The following SH3GL2 variants were observed in gnomAD, a reference collection of about 807,000 sequenced individuals.
SH3GL2 encodes the protein SH3 domain containing GRB2 like 2, endophilin A1, also known as endophilin-A1.
Under a neutral mutation model 46.0 loss-of-function variants are expected in SH3GL2, and 24 were observed. That is an observed-to-expected ratio of 0.52 (90% confidence interval 0.38 to 0.73). The LOEUF (loss-of-function observed/expected upper bound fraction) is 0.73, where lower values mean the gene tolerates loss of function less well. Among genes scored for constraint, SH3GL2 ranks in the 30% least tolerant of loss-of-function variants. The pLI, the probability that SH3GL2 is intolerant of heterozygous loss-of-function variation, is 0.00. For synonymous variants in SH3GL2, 196 were observed against 147.1 expected (o/e 1.33, Z -2.40); for missense variants, 413 against 424.2 (o/e 0.97, Z 0.23).
chr9:17,769,133 A>T (rs921455794), intron 3 of SH3GL2, among the ~76,000 whole-genome samples: 2 of 152,162 alleles, frequency 1.3e-5, no homozygotes, highest in Non-Finnish European at 2.9e-5. Context: ...TCTTGTTTAA[A>T]ACATCAGCCC....
chr9:17,660,172 C>T (rs1460463467), intron 1 of SH3GL2, among the ~76,000 whole-genome samples: 1 of 152,184 alleles, frequency 6.6e-6, no homozygotes, highest in Non-Finnish European at 1.5e-5. Context: ...TTGCCATTCA[C>T]GTGTGCTTTC....
chr9:17,679,367 C>A (rs955914499), intron 1 of SH3GL2, among the ~76,000 whole-genome samples: 1 of 152,074 alleles, frequency 6.6e-6, no homozygotes, highest in African/African-American at 2.4e-5. Context: ...AAGTTGGATT[C>A]CTAGGTATTT....
chr9:17,650,138 TAC>T (rs1225302745), intron 1 of SH3GL2, among the ~76,000 whole-genome samples: 4 of 152,224 alleles, frequency 2.6e-5, no homozygotes, highest in Non-Finnish European at 5.9e-5. Context: ...TGATGTTATC[TAC>T]ATTCAGATTC....
chr9:17,601,466 C>A (rs1370995527), intron 1 of SH3GL2, among the ~76,000 whole-genome samples: 1 of 152,074 alleles, frequency 6.6e-6, no homozygotes, highest in African/African-American at 2.4e-5. Context: ...TTTGTGCGTG[C>A]CTCTGCAGTT....
intron 1 of SH3GL2, among the ~76,000 whole-genome samples, chr9:17,726,767 T>C (rs1007710912): frequency 2.6e-5 from 4 of 152,178 alleles, no homozygotes; most frequent in East Asian, 1.9e-4. Context: ...CATAAACTTA[T>C]AATCATCAGA....
At chr9:17,709,130 A>G (rs191061421) in intron 1 of SH3GL2, among the ~76,000 whole-genome samples, 13 of 152,136 alleles carry the variant, frequency 8.5e-5, no homozygotes, top group African/African-American at 2.6e-4. Flanking sequence ...GGTTCTGCTG[A>G]TCTATGATTC....
At chr9:17,740,775 T>A (rs1361921832) in intron 1 of SH3GL2, among the ~76,000 whole-genome samples, 2 of 147,162 alleles carry the variant, frequency 1.4e-5, no homozygotes, top group Non-Finnish European at 3.0e-5. Flanking sequence ...GGAATAATAA[T>A]CCCTTATTTA....
rs1040080330 is a variant in SH3GL2 at position 17,756,269 on chromosome 9, A to G, written c.115-5168A>G. The stretch of plus-strand genomic sequence containing the variant: ...GTAGAAATGGAAGTTTTTATTACCT[A>G]AAAAACATGCCTGTATCTGTATATA... On this transcript the variant is annotated intron_variant, in intron 2 of 8. Coordinates refer to ENST00000380607, the MANE Select transcript of SH3GL2 (RefSeq NM_003026.5). Among the ~76,000 whole-genome samples the G allele has an allele frequency of 2.2e-4, 34 of 152,188 alleles. 1 individual carries two copies. The highest frequency in any genetic ancestry group is 7.2e-4 in the African/African-American group (30 of 41,546).
chr9:17,694,095 C>T (rs1005320732), intron 1 of SH3GL2, among the ~76,000 whole-genome samples: 12 of 152,040 alleles, frequency 7.9e-5, no homozygotes, highest in African/African-American at 2.9e-4. Context: ...AAGAAAAAAT[C>T]CTGGTAAGGA....
At position 17,735,609 on chromosome 9, in the gene SH3GL2, C is replaced by T. The variant is rs557406954; in HGVS notation, c.46-11457C>T. On this transcript the variant is annotated intron_variant, in intron 1 of 8. Coordinates refer to ENST00000380607, the MANE Select transcript of SH3GL2 (RefSeq NM_003026.5). ...GACCAACTTTTTGTATATGTGGGTT[C>T]TACAGGGCCAACTGAGGGACTTGAG... 3.0e-5 allele frequency: 5 copies of T among 164,052 alleles called. No individual in the cohort carries two copies. The South Asian group carries it at 8.0e-4, about 26-fold the overall frequency. The allele number at this position is 164,052 out of a possible 1,614,324, so 10.2% of individuals were successfully genotyped here.
At chr9:17,779,975 T>C (rs1480655539) in intron 3 of SH3GL2, among the ~76,000 whole-genome samples, 1 of 152,192 alleles carries the variant, frequency 6.6e-6, no homozygotes, top group Non-Finnish European at 1.5e-5. Flanking sequence ...AACACAGTGG[T>C]TCTCAACCTT....
intron 1 of SH3GL2, among the ~76,000 whole-genome samples, chr9:17,700,732 C>T (rs935487917): frequency 3.3e-5 from 5 of 152,118 alleles, no homozygotes; most frequent in African/African-American, 4.8e-5. Context: ...TCAGCAATAA[C>T]GCCATATGGT....
intron 3 of SH3GL2, among the ~76,000 whole-genome samples, chr9:17,763,383 A>G (rs941042137): frequency 1.8e-4 from 27 of 152,310 alleles, no homozygotes; most frequent in Admixed American, 1.0e-3. Context: ...GGATCTTGAG[A>G]TGAACTCTTC....
chr9:17,779,442 A>G (rs372950970), intron 3 of SH3GL2, among the ~76,000 whole-genome samples: 48 of 152,240 alleles, frequency 3.2e-4, no homozygotes, highest in African/African-American at 9.1e-4. Context: ...GTTAGTAACT[A>G]TGAGAGCTCG....
At chr9:17,697,528 G>C (rs1821237447) in intron 1 of SH3GL2, among the ~76,000 whole-genome samples, 1 of 151,784 alleles carries the variant, frequency 6.6e-6, no homozygotes, top group Admixed American at 6.6e-5. Context: ...GGCCTCAAAT[G>C]CATTTCTATA....
chr9:17,590,369 GATTAAT>G (rs1338877029), intron 1 of SH3GL2: 2 of 152,160 alleles, frequency 1.3e-5, no homozygotes, highest in Non-Finnish European at 2.9e-5. Flanking sequence ...AGAGTTTACT[GATTAAT>G]ATTAATAGCC....
chr9:17,642,061 T>C (rs1486858174), intron 1 of SH3GL2, among the ~76,000 whole-genome samples: 1 of 152,156 alleles, frequency 6.6e-6, no homozygotes, highest in African/African-American at 2.4e-5. Flanking sequence ...CCACCAACAG[T>C]GTAAAAGCAT....
At chr9:17,679,484 C>G (rs141248608) in intron 1 of SH3GL2, among the ~76,000 whole-genome samples, 4,931 of 152,166 alleles carry the variant, frequency 0.032, 302 homozygotes, top group African/African-American at 0.11. Flanking sequence ...ATTTTGTATC[C>G]TGAGACTTTG....
intron 1 of SH3GL2, among the ~76,000 whole-genome samples, chr9:17,662,703 C>CTTTTTTTTTTTTTTTTT (rs559842403): frequency 1.0e-5 from 1 of 96,962 alleles, no homozygotes; most frequent in African/African-American, 4.1e-5. Context: ...TTGGCCAAGT[C>CTTTTTTTTTTTTTTTTT]TTTTTTTTTT....
Sources: gnomAD v4.1 joint callset for allele counts (sites outside exome capture counted in the v4.1 genomes callset) on GRCh38, gnomAD v4.1.1 for gene constraint, MANE v1.5 for transcripts, NCBI Gene and HGNC (gene_info 2026-07-23, HGNC 2026-07-21) for gene names.